The following GTF2IRD1 variants were observed in gnomAD, a reference collection of about 807,000 sequenced individuals.
GTF2IRD1 encodes the protein GTF2I repeat domain containing 1, also known as general transcription factor II-I repeat domain-containing protein 1.
Under a neutral mutation model 113.2 loss-of-function variants are expected in GTF2IRD1, and 26 were observed. That is an observed-to-expected ratio of 0.23 (90% CI 0.17 to 0.32). The LOEUF (loss-of-function observed/expected upper bound fraction) is 0.32, where lower values mean the gene tolerates loss of function less well. Ranked by LOEUF, GTF2IRD1 falls within the 10% of genes least tolerant of loss-of-function variation. The pLI is 1.00. For missense variants in GTF2IRD1, 864 were observed against 1,280.8 expected (o/e 0.67, Z 4.97); for synonymous variants, 484 against 529.1 (o/e 0.91, Z 1.17).
chr7:74,535,183 T>A, intron 10 of GTF2IRD1, 45 bp downstream of exon 10: 1 of 1,548,506 alleles, frequency 6.5e-7, no homozygotes, highest in Non-Finnish European at 8.9e-7. Context: ...CCGGATTGGT[T>A]CCCCAACAGA....
At chr7:74,481,362 G>T (rs903446870) in intron 1 of GTF2IRD1, among the ~76,000 whole-genome samples, 3 of 151,868 alleles carry the variant, frequency 2.0e-5, no homozygotes, top group African/African-American at 7.3e-5. Flanking sequence ...TTGCGATGTT[G>T]CCCAGGCTGG....
At chr7:74,493,877 C>T (rs1795502041) in intron 1 of GTF2IRD1, among the ~76,000 whole-genome samples, 1 of 152,110 alleles carries the variant, frequency 6.6e-6, no homozygotes, top group Non-Finnish European at 1.5e-5. Context: ...CACCACCACA[C>T]CCAGCTGATT....
At chr7:74,460,091 T>G (rs1390197148) in intron 1 of GTF2IRD1, among the ~76,000 whole-genome samples, 1 of 150,306 alleles carries the variant, frequency 6.7e-6, no homozygotes, top group Admixed American at 6.6e-5. Context: ...TCCTTCTGGC[T>G]CAGTCTCCCA....
chr7:74,458,537 A>G (rs1793145906), intron 1 of GTF2IRD1, among the ~76,000 whole-genome samples: 1 of 152,190 alleles, frequency 6.6e-6, no homozygotes, highest in African/African-American at 2.4e-5. Context: ...CTACTTTGGA[A>G]GTTCTCAGTC....
At chr7:74,585,377 T>C (rs1231131840) in intron 22 of GTF2IRD1, among the ~76,000 whole-genome samples, 3 of 151,642 alleles carry the variant, frequency 2.0e-5, no homozygotes, top group Admixed American at 6.6e-5. Context: ...CCTCTGAGAG[T>C]GCTGGGATTA....
At chr7:74,586,943 C>A (rs369343801) in intron 22 of GTF2IRD1, among the ~76,000 whole-genome samples, 1 of 151,708 alleles carries the variant, frequency 6.6e-6, no homozygotes, top group East Asian at 1.9e-4. Flanking sequence ...CTTAGGAGTT[C>A]GAGAACAGCC....
At chr7:74,481,188 T>C (rs1224371848) in intron 1 of GTF2IRD1, among the ~76,000 whole-genome samples, 2 of 152,354 alleles carry the variant, frequency 1.3e-5, no homozygotes, top group Non-Finnish European at 1.5e-5. Flanking sequence ...GAGGTCTTGC[T>C]CTATCGCCCA....
At chr7:74,458,117 C>T (rs1195493214) in intron 1 of GTF2IRD1, among the ~76,000 whole-genome samples, 4 of 152,012 alleles carry the variant, frequency 2.6e-5, no homozygotes, top group East Asian at 1.9e-4. Flanking sequence ...GTGATCTGCC[C>T]GCCTCTGCCT....
chr7:74,539,885 C>T lies in GTF2IRD1; in HGVS notation c.1535C>T (p.Ser512Leu), dbSNP rs782722515. 6.8e-6 allele frequency: 11 copies of T among 1,611,698 alleles called. No individual in the cohort carries two copies. The highest frequency in any genetic ancestry group is 7.6e-6 in the Non-Finnish European group (9 of 1,179,300). Residue 512 changes from serine to leucine, a missense_variant, in exon 14 of 27, where the codon TCG (serine) becomes TTG (leucine). Ser to Leu is a moderately radical substitution (Grantham distance 145). Coordinates refer to ENST00000424337, the MANE Select transcript of GTF2IRD1 (RefSeq NM_005685.4). ...TTCGGAGTTTTGTCTTCAGACCCCTCGCCAACCTCTGAGGAAATGACAGAC... is the reference window on the plus strand; with the variant it reads ...TTCGGAGTTTTGTCTTCAGACCCCTTGCCAACCTCTGAGGAAATGACAGAC... ...DIIQVTVPDP[S>L]PTSEEMTDSM...
chr7:74,583,362 T>C (rs1187268317), intron 22 of GTF2IRD1, among the ~76,000 whole-genome samples: 2 of 146,958 alleles, frequency 1.4e-5, no homozygotes, highest in African/African-American at 5.1e-5. Context: ...CTAATTTTTC[T>C]TTTTTTTTCT....
intron 24 of GTF2IRD1, among the ~76,000 whole-genome samples, chr7:74,592,360 C>A (rs587768659): frequency 6.6e-6 from 1 of 151,986 alleles, no homozygotes; most frequent in African/African-American, 2.4e-5. Context: ...CTACCTCAGC[C>A]TCCCAAAGTG....
intron 22 of GTF2IRD1, among the ~76,000 whole-genome samples, chr7:74,572,749 T>G (rs1800769300): frequency 6.6e-6 from 1 of 152,126 alleles, no homozygotes; most frequent in Non-Finnish European, 1.5e-5. Flanking sequence ...CTTTCTCAAG[T>G]TTCTAAAGAT....
chr7:74,601,116 C>T lies in GTF2IRD1; in HGVS notation c.2702C>T (p.Ser901Leu), dbSNP rs782520075. 1.9e-6 allele frequency: 3 copies of T among 1,613,664 alleles called. No homozygotes were observed. Among genetic ancestry groups the T allele is most frequent in the African/African-American group, 1.3e-5 (1 of 75,056 alleles). ...SEGNSVSSSS[S>L]SSSSSSSNPD... The stretch of plus-strand genomic sequence containing the variant: ...GGAAATTCCGTCTCCTCTTCCTCCT[C>T]GTCTTCCTCTTCCTCGTCCTCTAAC... Residue 901 changes from serine (S) to leucine (L), a missense_variant, in exon 26 of 27, where the codon TCG (serine) becomes TTG (leucine). Transcript: ENST00000424337.
intron 1 of GTF2IRD1, among the ~76,000 whole-genome samples, chr7:74,454,399 C>T (rs1474286957): frequency 1.3e-5 from 2 of 151,450 alleles, no homozygotes; most frequent in Non-Finnish European, 2.9e-5. Context: ...CCCACCTGCC[C>T]GGGAGGGGCC....
intron 1 of GTF2IRD1, among the ~76,000 whole-genome samples, chr7:74,479,566 C>G (rs1238626758): frequency 6.6e-6 from 1 of 152,134 alleles, no homozygotes; most frequent in Non-Finnish European, 1.5e-5. Context: ...GGCACAGTGC[C>G]TGTCTCCCCT....
At chr7:74,572,547 A>T (rs1554362920) in intron 22 of GTF2IRD1, 2 of 980,128 alleles carry the variant, frequency 2.0e-6, no homozygotes, top group South Asian at 4.7e-5. Context: ...CATTTCTTTG[A>T]CGTGATACAG....
chr7:74,558,536 A>G (rs1554357986), intron 20 of GTF2IRD1, among the ~76,000 whole-genome samples: 3 of 151,530 alleles, frequency 2.0e-5, no homozygotes, highest in African/African-American at 7.3e-5. Flanking sequence ...ACTAGTTTTT[A>G]GAAATTTTTA....
At chr7:74,541,902 A>G (rs1798654851) in intron 14 of GTF2IRD1, among the ~76,000 whole-genome samples, 1 of 136,526 alleles carries the variant, frequency 7.3e-6, no homozygotes, top group Admixed American at 7.4e-5. Flanking sequence ...CTCTGCCTCA[A>G]AATAACTAAA....
chr7:74,576,683 C>T (rs1399077514), intron 22 of GTF2IRD1, among the ~76,000 whole-genome samples: 3 of 114,190 alleles, frequency 2.6e-5, no homozygotes, highest in Non-Finnish European at 4.9e-5. Flanking sequence ...TGCAGTGGCG[C>T]GATCTCAGCT....
Sources: allele counts gnomAD v4.1 joint callset (sites outside exome capture counted in the v4.1 genomes callset), GRCh38; gene constraint gnomAD v4.1.1; transcripts MANE v1.5; gene names NCBI Gene and HGNC (gene_info 2026-07-23, HGNC 2026-07-21).